ZNF606: variants seen among roughly 807,000 people sequenced by gnomAD.
ZNF606 encodes zinc finger protein 328.
In ZNF606, 37 loss-of-function variants were observed where a neutral mutation model predicts 74.9. That is an observed-to-expected ratio of 0.49 (90% CI 0.38 to 0.65). The LOEUF is 0.65. Ranked by LOEUF, ZNF606 falls within the 30% of genes least tolerant of loss-of-function variation. ZNF606 has a pLI of 0.00. For synonymous variants in ZNF606, 328 were observed against 312.4 expected (o/e 1.05, Z -0.53); for missense variants, 852 against 952.9 (o/e 0.89, Z 1.39).
chr19:57,999,555 G>C (rs2073385366), intron 4 of ZNF606: 2 of 513,080 alleles, frequency 3.9e-6, no homozygotes, highest in Non-Finnish European at 6.9e-6. Context: ...CCAGCCAAAA[G>C]GGCTGCCCTT....
chr19:57,981,370 T>C (rs1464385729), intron 6 of ZNF606, among the ~76,000 whole-genome samples: 1 of 152,122 alleles, frequency 6.6e-6, no homozygotes, highest in Non-Finnish European at 1.5e-5. Context: ...GTCCTATAAG[T>C]ACTCATAGTG....
intron 4 of ZNF606, among the ~76,000 whole-genome samples, chr19:57,993,769 C>A (rs1052542765): frequency 6.6e-6 from 1 of 152,344 alleles, no homozygotes; most frequent in East Asian, 1.9e-4. Flanking sequence ...AGTCTGTGGC[C>A]TCACAGCTCT....
Position 58,000,676 on chromosome 19 carries a change from G to A in ZNF606, c.88+7C>T, listed in dbSNP as rs770207559. 3 of 1,613,890 alleles carry A rather than the reference G, an allele frequency of 1.9e-6. No homozygotes were observed. The highest frequency in any genetic ancestry group is 2.5e-6 in the Non-Finnish European group (3 of 1,179,936). ...GCAGCCCACAGCTGACCAGGCTCTT[G>A]ACTCACCCCAGGAGGCCCATGGGTC... On this transcript the variant is annotated splice_region_variant and intron_variant, in intron 3 of 6. Transcript: ENST00000551380.
Position 57,988,181 on chromosome 19 carries a change from T to C in ZNF606, c.400+26A>G, listed in dbSNP as rs370969356. On this transcript the variant is annotated intron_variant, in intron 6 of 6. Coordinates refer to ENST00000551380, the MANE Select transcript of ZNF606 (RefSeq NM_001348022.3). Reference sequence around the variant, plus strand: ...CAAAGAGGGCTTGGGGGGAAGTTCCTTGTTCAGCCTGGGGTCTGCCCTCAC... The same window carrying C: ...CAAAGAGGGCTTGGGGGGAAGTTCCCTGTTCAGCCTGGGGTCTGCCCTCAC... 3 of 1,596,146 alleles carry C rather than the reference T, an allele frequency of 1.9e-6. 1 individual carries two copies. The African/African-American group carries it at 4.0e-5, about 21-fold the overall frequency.
intron 4 of ZNF606, among the ~76,000 whole-genome samples, chr19:57,994,743 G>T (rs529621980): frequency 2.2e-4 from 34 of 152,306 alleles, no homozygotes; most frequent in Middle Eastern, 6.8e-3. Context: ...TACCTTTCTG[G>T]TCCTGAGGTA....
At chr19:57,995,527 G>GA (rs1353396952) in intron 4 of ZNF606, among the ~76,000 whole-genome samples, 1 of 151,838 alleles carries the variant, frequency 6.6e-6, no homozygotes, top group African/African-American at 2.4e-5. Context: ...AAATCATTGG[G>GA]AAAAAAAATA....
chr19:57,978,686 C>G lies in ZNF606; in HGVS notation c.1994G>C (p.Cys665Ser). The G allele has an allele frequency of 1.2e-6, 2 of 1,614,138 alleles. No individual in the cohort carries two copies. The highest frequency in any genetic ancestry group is 1.7e-6 in the Non-Finnish European group (2 of 1,180,030). ...NKCGKSFSQS[C>S]HLVAHRRIHT... ...AATTCTCCGATGAGCAACAAGGTGA[C>G]AGCTCTGACTGAAGGATTTTCCACA... Residue 665 changes from cysteine (C) to serine (S), a missense_variant, in exon 7 of 7, where the codon TGT (cysteine) becomes TCT (serine). This residue lies in a region of ZNF606 where 243 missense variants were observed against 359.2 expected (regional missense o/e 0.68). Coordinates refer to ENST00000551380, the MANE Select transcript of ZNF606 (RefSeq NM_001348022.3). This position sits in a 1 kb window ranked among gnomAD's most constrained non-coding sequence, Gnocchi z 4.4.
chr19:57,990,104 G>A (rs1159697617), intron 4 of ZNF606, among the ~76,000 whole-genome samples: 5 of 142,326 alleles, frequency 3.5e-5, no homozygotes, highest in African/African-American at 7.8e-5. Context: ...GGCTCACGCC[G>A]GTAATCCCAG....
intron 4 of ZNF606, among the ~76,000 whole-genome samples, chr19:57,995,841 G>T (rs1316805343): frequency 6.6e-6 from 1 of 152,034 alleles, no homozygotes; most frequent in Non-Finnish European, 1.5e-5. Flanking sequence ...GACTGTCTAT[G>T]TCTATATAGT....
chr19:57,981,285 C>T (rs560627032), intron 6 of ZNF606, among the ~76,000 whole-genome samples: 20 of 152,276 alleles, frequency 1.3e-4, no homozygotes, highest in African/African-American at 4.3e-4. Flanking sequence ...ACCTCATGCA[C>T]CTTTTTCCTT....
chr19:57,997,350 C>T (rs950650033), intron 4 of ZNF606: 2 of 152,244 alleles, frequency 1.3e-5, no homozygotes, highest in African/African-American at 4.8e-5. Flanking sequence ...ATTCAACATA[C>T]TTCCATGAAT....
At chr19:57,992,134 G>GAGGAATGAAATC (rs1338015662) in intron 4 of ZNF606, among the ~76,000 whole-genome samples, 2 of 152,116 alleles carry the variant, frequency 1.3e-5, no homozygotes, top group Non-Finnish European at 2.9e-5. Context: ...ATAAACACAA[G>GAGGAATGAAATC]AGGAATGAAA....
chr19:57,994,959 G>C (rs1285835759), intron 4 of ZNF606, among the ~76,000 whole-genome samples: 1 of 152,000 alleles, frequency 6.6e-6, no homozygotes, highest in Non-Finnish European at 1.5e-5. Flanking sequence ...CGAGGCAGGT[G>C]AATCACGAGG....
chr19:57,978,616 G>A lies in ZNF606; in HGVS notation c.2064C>T (p.Ser688=), dbSNP rs2073026105. The A allele has an allele frequency of 6.2e-7, 1 of 1,613,834 alleles. No homozygotes were observed. The highest frequency in any genetic ancestry group is 2.2e-5 in the East Asian group (1 of 44,840). Residue 688 remains serine, a synonymous_variant, in exon 7 of 7, where the codon TCC becomes TCT. Coordinates refer to ENST00000551380, the MANE Select transcript of ZNF606 (RefSeq NM_001348022.3). This position sits in a 1 kb window ranked among gnomAD's most constrained non-coding sequence, Gnocchi z 4.4. ...CAATGAGGTGAGAACTACAGTTAAA[G>A]GATCTTTCACACTGATTACATTTAT... The part of the protein sequence containing the change: ...KPYKCNQCER[S]FNCSSHLIAH...
rs1322496250 is a variant in ZNF606, at chr19:57,978,248, G to C, written c.*53C>G. On this transcript the variant is annotated 3_prime_UTR_variant, in exon 7 of 7. Coordinates refer to ENST00000551380, the MANE Select transcript of ZNF606 (RefSeq NM_001348022.3). The surrounding 1 kb of genome is among the most constrained non-coding windows in gnomAD (Gnocchi z 4.4). ...TGTCCCCTCTTGATTATGTTTATAG[G>C]GTTTTCCTCAATGTGTTGTCAAATG... The C allele has an allele frequency of 1.3e-6, 2 of 1,493,754 alleles. No homozygotes were observed. Among genetic ancestry groups the C allele is most frequent in the Middle Eastern group, 2.0e-4 (1 of 5,128 alleles). The allele number at this position is 1,493,754 out of a possible 1,614,324, so 92.5% of individuals were successfully genotyped here.
rs751335124 is a variant in ZNF606 at position 57,988,682 on chromosome 19, G to C, written c.217C>G (p.Gln73Glu). ...AGGTCCAGCTGCCCCCACTCTTCTT[G>C]GGTGAAGTCCACGGCCACGTCCTTG... ...TFKDVAVDFT[Q>E]EEWGQLDLVQ... Residue 73 changes from glutamine (Q) to glutamate (E), a missense_variant, in exon 5 of 7, where the codon CAA (glutamine) becomes GAA (glutamate). Gln to Glu is a conservative substitution (Grantham distance 29). Around this residue, in one of 3 missense-constraint regions of ZNF606, gnomAD observed 545 missense variants for 542.5 expected, o/e 1.00. Coordinates refer to ENST00000551380, the MANE Select transcript of ZNF606 (RefSeq NM_001348022.3). 1.9e-6 allele frequency: 3 copies of C among 1,614,080 alleles called. No homozygotes were observed. The South Asian group carries it at 3.3e-5, about 18-fold the overall frequency.
intron 4 of ZNF606, among the ~76,000 whole-genome samples, chr19:57,989,925 G>A (rs1220224173): frequency 6.6e-6 from 1 of 151,078 alleles, no homozygotes; most frequent in African/African-American, 2.4e-5. Flanking sequence ...AGTGGCACAC[G>A]CCTATAATCC....
At chr19:57,996,313 C>A (rs1269987001) in intron 4 of ZNF606, among the ~76,000 whole-genome samples, 2 of 152,126 alleles carry the variant, frequency 1.3e-5, no homozygotes, top group Admixed American at 6.6e-5. Context: ...GCCAGTCTGA[C>A]CAACATGGTG....
chr19:57,978,197 A>T lies in ZNF606; in HGVS notation c.*104T>A. Reference sequence around the variant, plus strand: ...ATTTTCTAGTAAATAATGTGGGAGAAGTCTTACTGAACTCTTAATGAAAAA... The same window carrying T: ...ATTTTCTAGTAAATAATGTGGGAGATGTCTTACTGAACTCTTAATGAAAAA... On this transcript the variant is annotated 3_prime_UTR_variant, in exon 7 of 7. Coordinates refer to ENST00000551380, the MANE Select transcript of ZNF606 (RefSeq NM_001348022.3). This position sits in a 1 kb window ranked among gnomAD's most constrained non-coding sequence, Gnocchi z 4.4. 8.9e-7 allele frequency: 1 copy of T among 1,120,848 alleles called. No homozygotes were observed. Among genetic ancestry groups the T allele is most frequent in the Middle Eastern group, 3.1e-4 (1 of 3,266 alleles). The allele number at this position is 1,120,848 out of a possible 1,614,324, so 69.4% of individuals were successfully genotyped here.
Sources: gnomAD v4.1 joint callset for allele counts (sites outside exome capture counted in the v4.1 genomes callset) on GRCh38, gnomAD v4.1.1 for gene constraint, gnomAD v4.1.1 regional missense constraint, Gnocchi (gnomAD v3.1) non-coding constraint, MANE v1.5 for transcripts, NCBI Gene and HGNC (gene_info 2026-07-23, HGNC 2026-07-21) for gene names.